FAM114A1: variants seen among roughly 807,000 people sequenced by gnomAD.
The protein encoded by FAM114A1 is family with sequence similarity 114 member A1, also known as protein NOXP20.
A neutral mutation model predicts 64.3 loss-of-function variants in FAM114A1; 62 were observed. The observed-to-expected ratio is 0.96, with a 90% CI of 0.79 to 1.19. FAM114A1 has a LOEUF of 1.19. Ranked by LOEUF, FAM114A1 falls within the 50% of genes most tolerant of loss-of-function variation. The pLI is 0.00. For missense variants in FAM114A1, 645 were observed against 676.3 expected (o/e 0.95, Z 0.51); for synonymous variants, 254 against 251.1 (o/e 1.01, Z -0.11).
chr4:38,907,017 G>C (rs1183918600), intron 6 of FAM114A1, among the ~76,000 whole-genome samples: 1 of 152,186 alleles, frequency 6.6e-6, no homozygotes, highest in Admixed American at 6.5e-5. Flanking sequence ...CCAGAGGACT[G>C]AGGCGACTGA....
intron 2 of FAM114A1, 72 bp from the exon 3 acceptor site, chr4:38,877,999 A>G: frequency 1.5e-6 from 2 of 1,296,254 alleles, no homozygotes; most frequent in Non-Finnish European, 2.1e-6. Flanking sequence ...TACCAGATTT[A>G]TTTATCCAGG....
At chr4:38,912,449 A>G (rs1355835695) in intron 7 of FAM114A1, among the ~76,000 whole-genome samples, 1 of 152,010 alleles carries the variant, frequency 6.6e-6, no homozygotes, top group Admixed American at 6.5e-5. Flanking sequence ...CAATGGCGCA[A>G]TCTTGGCTCA....
At chr4:38,877,576 T>C (rs1025625000) in intron 2 of FAM114A1, among the ~76,000 whole-genome samples, 1 of 152,184 alleles carries the variant, frequency 6.6e-6, no homozygotes, top group African/African-American at 2.4e-5. Context: ...ACTCACCCAC[T>C]GCTGTGCAGC....
intron 4 of FAM114A1, among the ~76,000 whole-genome samples, chr4:38,895,791 A>G (rs900343392): frequency 1.3e-5 from 2 of 152,260 alleles, no homozygotes; most frequent in Admixed American, 1.3e-4. Flanking sequence ...CAAACATAGG[A>G]CAGCTTATTA....
rs2109788512 is a variant in FAM114A1 at position 38,932,360 on chromosome 4, A to G, written c.1449A>G (p.Ala483=). Residue 483 remains alanine, a synonymous_variant, in exon 12 of 15, where the codon GCA becomes GCG. Transcript: ENST00000358869. ...QEEEKPAQDQ[A]KVLIKLTTAM... The stretch of plus-strand genomic sequence containing the variant: ...AGGAAAAACCAGCTCAGGACCAAGC[A>G]AAAGTTCTAATAAAGTAAGTAAATG... 1.9e-6 allele frequency: 3 copies of G among 1,589,824 alleles called. No individual in the cohort carries two copies. The South Asian group carries it at 3.5e-5, about 18-fold the overall frequency.
chr4:38,943,571 C>T lies in FAM114A1; in HGVS notation c.*14C>T. 1.2e-6 allele frequency: 2 copies of T among 1,611,884 alleles called. No individual in the cohort carries two copies. The highest frequency in any genetic ancestry group is 2.2e-5 in the South Asian group (2 of 90,952). On this transcript the variant is annotated 3_prime_UTR_variant, in exon 15 of 15. Transcript: ENST00000358869. Reference sequence around the variant, plus strand: ...GCACAGCCGTGACCTGGCCAGACTCCATCTAGTTAAAGGAGACAGCTGGCC... The same window carrying T: ...GCACAGCCGTGACCTGGCCAGACTCTATCTAGTTAAAGGAGACAGCTGGCC...
chr4:38,924,328 A>G (rs1257393337), intron 9 of FAM114A1, among the ~76,000 whole-genome samples: 2 of 152,236 alleles, frequency 1.3e-5, no homozygotes, highest in East Asian at 3.8e-4. Flanking sequence ...GCAATAAAGT[A>G]TAACTTTCAT....
intron 11 of FAM114A1, among the ~76,000 whole-genome samples, chr4:38,931,884 G>A (rs188589098): frequency 9.2e-5 from 14 of 152,332 alleles, no homozygotes; most frequent in East Asian, 3.9e-4. Context: ...AAACCTGGGC[G>A]GTGGAGGTTG....
intron 3 of FAM114A1, among the ~76,000 whole-genome samples, chr4:38,879,419 C>T (rs1714988055): frequency 6.6e-6 from 1 of 152,128 alleles, no homozygotes; most frequent in Non-Finnish European, 1.5e-5. Flanking sequence ...TGAGCTTGGG[C>T]CAGACAAACT....
chr4:38,877,308 A>T (rs1186479129), intron 2 of FAM114A1, among the ~76,000 whole-genome samples: 1 of 152,156 alleles, frequency 6.6e-6, no homozygotes, highest in Admixed American at 6.5e-5. Flanking sequence ...CACAAGGTAG[A>T]ATCAGTGGGA....
chr4:38,936,722 T>C (rs962336489), intron 13 of FAM114A1, among the ~76,000 whole-genome samples: 1 of 152,046 alleles, frequency 6.6e-6, no homozygotes, highest in Non-Finnish European at 1.5e-5. Flanking sequence ...CCAGCTAACT[T>C]ATGTATTTTT....
intron 13 of FAM114A1, among the ~76,000 whole-genome samples, chr4:38,939,886 C>CTTTTTTTTTTTTTTTTTTTTT (rs545845095): frequency 2.3e-5 from 3 of 131,668 alleles, no homozygotes; most frequent in African/African-American, 2.9e-5. Flanking sequence ...CACTTTCTTT[C>CTTTTTTTTTTTTTTTTTTTTT]TTTTTTTTTT....
chr4:38,915,169 T>C (rs892208964), intron 8 of FAM114A1, 96 bp downstream of exon 8: 18 of 1,464,656 alleles, frequency 1.2e-5, no homozygotes, highest in Non-Finnish European at 1.5e-5. Flanking sequence ...GATCTCATTT[T>C]TAGAGCCTCA....
intron 2 of FAM114A1, among the ~76,000 whole-genome samples, chr4:38,875,490 GA>G (rs1714524140): frequency 6.6e-6 from 1 of 152,180 alleles, no homozygotes; most frequent in African/African-American, 2.4e-5. Flanking sequence ...TTGGTGTATA[GA>G]AATGCTACTG....
chr4:38,928,148 C>T (rs1418065221), intron 9 of FAM114A1, among the ~76,000 whole-genome samples: 1 of 144,932 alleles, frequency 6.9e-6, no homozygotes, highest in South Asian at 2.1e-4. Flanking sequence ...CAGAAAATAG[C>T]ATCTCCAGAC....
chr4:38,887,806 G>A (rs1715963032), intron 3 of FAM114A1, among the ~76,000 whole-genome samples: 1 of 152,164 alleles, frequency 6.6e-6, no homozygotes, highest in Non-Finnish European at 1.5e-5. Flanking sequence ...TTTTCAATCA[G>A]ATATTTTGAC....
intron 9 of FAM114A1, among the ~76,000 whole-genome samples, chr4:38,926,458 T>A (rs773677726): frequency 7.1e-6 from 1 of 140,652 alleles, no homozygotes; most frequent in South Asian, 2.2e-4. Context: ...CTCTCTCCCC[T>A]TTTTTTTTTT....
chr4:38,877,781 A>G (rs939636532), intron 2 of FAM114A1, among the ~76,000 whole-genome samples: 1 of 152,190 alleles, frequency 6.6e-6, no homozygotes, highest in Admixed American at 6.5e-5. Context: ...CCTGACCAAC[A>G]TGGAAAAACC....
intron 13 of FAM114A1, among the ~76,000 whole-genome samples, chr4:38,937,038 C>T (rs924513520): frequency 9.9e-5 from 15 of 152,146 alleles, no homozygotes; most frequent in Admixed American, 2.6e-4. Context: ...CCTTAGTAGG[C>T]GCAGAGAAAA....
Sources: allele counts gnomAD v4.1 joint callset (sites outside exome capture counted in the v4.1 genomes callset), GRCh38; gene constraint gnomAD v4.1.1; transcripts MANE v1.5; gene names NCBI Gene and HGNC (gene_info 2026-07-23, HGNC 2026-07-21).